Variants in IQUB observed in about 807,000 individuals in gnomAD.
The protein encoded by IQUB is IQ motif and ubiquitin domain containing, also known as IQ motif and ubiquitin-like domain-containing protein.
A neutral mutation model predicts 86.4 loss-of-function variants in IQUB; 86 were observed. That is an observed-to-expected ratio of 1.00 (90% CI 0.84 to 1.19). The LOEUF (loss-of-function observed/expected upper bound fraction) is 1.19, where lower values mean the gene tolerates loss of function less well. Among genes scored for constraint, IQUB ranks in the 50% most tolerant of loss-of-function variants. IQUB has a pLI of 0.00. For missense variants in IQUB, 946 were observed against 916.9 expected, an observed-to-expected ratio of 1.03 and a Z score of -0.41; for synonymous variants, 289 against 304.5, an observed-to-expected ratio of 0.95 and a Z score of 0.53.
chr7:123,524,311 C>A (rs1479365123), intron 1 of IQUB, among the ~76,000 whole-genome samples: 2 of 143,142 alleles, frequency 1.4e-5, no homozygotes, highest in East Asian at 4.0e-4. Flanking sequence ...GCCATTTTCA[C>A]GATATTGATT....
chr7:123,502,202 TA>T (rs1795976585), intron 6 of IQUB: 2 of 164,404 alleles, frequency 1.2e-5, no homozygotes, highest in African/African-American at 4.8e-5. Flanking sequence ...TGCAAAAAAA[TA>T]AAACAGAGTT....
intron 9 of IQUB, among the ~76,000 whole-genome samples, chr7:123,468,303 A>G (rs144673415): frequency 1.1e-3 from 171 of 152,288 alleles, no homozygotes; most frequent in Admixed American, 8.0e-3. Flanking sequence ...CCTTAAAGCC[A>G]ATGACTACAC....
At chr7:123,453,903 A>C (rs1467515202) in intron 12 of IQUB, among the ~76,000 whole-genome samples, 1 of 152,136 alleles carries the variant, frequency 6.6e-6, no homozygotes, top group Admixed American at 6.6e-5. Flanking sequence ...TAATAAATAT[A>C]ATCTATTACC....
intron 1 of IQUB, among the ~76,000 whole-genome samples, chr7:123,520,611 T>C (rs1185629661): frequency 6.6e-6 from 1 of 152,140 alleles, no homozygotes; most frequent in Non-Finnish European, 1.5e-5. Context: ...AGTCAACTTA[T>C]GTGGCTAGAG....
chr7:123,462,521 A>ACTT (rs1445468392), intron 10 of IQUB: 1 of 200,454 alleles, frequency 5.0e-6, no homozygotes, highest in Non-Finnish European at 1.0e-5. Flanking sequence ...TTCTTTGAAA[A>ACTT]CTTCATTGTC....
intron 7 of IQUB, among the ~76,000 whole-genome samples, chr7:123,493,869 T>TG (rs912813857): frequency 5.5e-5 from 7 of 126,424 alleles, no homozygotes; most frequent in East Asian, 2.5e-4. Context: ...AAAAACTAGT[T>TG]GGGGGGGCAG....
chr7:123,452,886 G>A lies in IQUB; in HGVS notation c.2233C>T (p.His745Tyr). 4.3e-6 allele frequency: 7 copies of A among 1,613,026 alleles called. No individual in the cohort carries two copies. The highest frequency in any genetic ancestry group is 5.1e-6 in the Non-Finnish European group (6 of 1,179,366). The stretch of plus-strand genomic sequence containing the variant: ...GAAAAATAGTTCTTAGCCAGGATAT[G>A]TTTGTGTTTGATCTTGTGAATAAAT... ...RSFIHKIKHK[H>Y]ILAKNYFSQV... The change falls in exon 13 of 13, where the codon CAT (histidine) becomes TAT (tyrosine). Residue 745 changes from histidine (H) to tyrosine (Y), a missense_variant. Physicochemically the swap from His to Tyr is moderately conservative, Grantham distance 83 (BLOSUM62 2). Transcript: ENST00000324698.
In IQUB at chr7:123,502,711, T is replaced by C; in HGVS notation, c.909A>G (p.Thr303=). 6.2e-7 allele frequency: 1 copy of C among 1,605,436 alleles called. No individual in the cohort carries two copies. Residue 303 remains threonine, a synonymous_variant, in exon 6 of 13, where the codon ACA becomes ACG. Coordinates refer to ENST00000324698, the MANE Select transcript of IQUB (RefSeq NM_178827.5). ...QKKNLQQTTN[T]TSTQMTNIGV... ...CAATGTTAGTCATCTGTGTGGATGT[T>C]GTATTTGTAGTTTGTTGGAGATTTT...
At chr7:123,483,119 T>A (rs1406614967) in intron 7 of IQUB, among the ~76,000 whole-genome samples, 1 of 152,098 alleles carries the variant, frequency 6.6e-6, no homozygotes, top group African/African-American at 2.4e-5. Context: ...GGTTTTCAAT[T>A]CGCAGAATAA....
chr7:123,454,216 T>C (rs79754685), intron 12 of IQUB, among the ~76,000 whole-genome samples: 4,989 of 152,040 alleles, frequency 0.033, 249 homozygotes, highest in African/African-American at 0.11. Context: ...CAAGAAAAAC[T>C]AACACACTTT....
intron 1 of IQUB, among the ~76,000 whole-genome samples, chr7:123,525,831 G>T (rs2117356848): frequency 6.7e-6 from 1 of 150,126 alleles, no homozygotes; most frequent in African/African-American, 2.5e-5. Context: ...TTTCTCTTGT[G>T]GGCATTTAGT....
intron 5 of IQUB, 42 bp downstream of exon 5, chr7:123,502,902 T>C (rs745337515): frequency 2.0e-6 from 3 of 1,521,022 alleles, no homozygotes; most frequent in Non-Finnish European, 1.8e-6. Context: ...AATTATTGAG[T>C]CTATACCTTC....
intron 7 of IQUB, among the ~76,000 whole-genome samples, chr7:123,496,352 A>G (rs1477307870): frequency 1.3e-5 from 2 of 152,130 alleles, no homozygotes; most frequent in Admixed American, 6.6e-5. Flanking sequence ...GAACAGCTCA[A>G]CTCTGAGTTC....
At chr7:123,478,587 G>A (rs1421071032) in intron 8 of IQUB, among the ~76,000 whole-genome samples, 2 of 151,826 alleles carry the variant, frequency 1.3e-5, no homozygotes, top group Admixed American at 6.6e-5. Context: ...AAGAAACAAT[G>A]TATGCTAAAG....
chr7:123,487,012 G>A (rs752013041), intron 7 of IQUB, among the ~76,000 whole-genome samples: 13 of 152,142 alleles, frequency 8.5e-5, no homozygotes, highest in Non-Finnish European at 1.8e-4. Context: ...CCAAAATTGG[G>A]GGAGGGACTT....
At position 123,527,902 on chromosome 7, in the gene IQUB, C is replaced by T. The variant is rs557440268; in HGVS notation, c.-5+6590G>A. ...AGCAAGCCTGAGCAATGGCGGGCGC[C>T]CCTCCCCCAGCCTCGCTGCCGCCTT... On this transcript the variant is annotated intron_variant, in intron 1 of 12. Transcript: ENST00000324698. Among the ~76,000 whole-genome samples the T allele has an allele frequency of 1.3e-4, 20 of 152,342 alleles. No individual in the cohort carries two copies. The East Asian group carries it at 1.5e-3, about 12-fold the overall frequency.
chr7:123,461,862 A>G (rs1794005483), intron 10 of IQUB, among the ~76,000 whole-genome samples: 1 of 151,838 alleles, frequency 6.6e-6, no homozygotes, highest in Non-Finnish European at 1.5e-5. Flanking sequence ...TATTTGTGGT[A>G]AAATCACTTA....
intron 8 of IQUB, among the ~76,000 whole-genome samples, chr7:123,472,677 G>T (rs146680681): frequency 7.9e-5 from 12 of 152,284 alleles, no homozygotes; most frequent in African/African-American, 2.4e-4. Context: ...GCACTGAAAA[G>T]ATATTAAAAA....
rs201933293 is a variant in IQUB, at chr7:123,461,592, G to A, written c.1772C>T (p.Pro591Leu). The A allele has an allele frequency of 8.1e-6, 13 of 1,600,088 alleles. No individual in the cohort carries two copies. The highest frequency in any genetic ancestry group is 1.7e-4 in the Middle Eastern group (1 of 5,944). ...GTAAATCTTCTTATAAAATTTCAAT[G>A]GGTCTTGAGGGACCTAAATAAATAG... ...VAKYLKVPQDPLKFYKKIYFC... is the reference protein window; with the variant it reads ...VAKYLKVPQDLLKFYKKIYFC... Residue 591 changes from proline to leucine, a missense_variant, in exon 11 of 13, where the codon CCA becomes CTA. By Grantham distance (98) the Pro-to-Leu change is moderately conservative. Coordinates refer to ENST00000324698, the MANE Select transcript of IQUB (RefSeq NM_178827.5).
Sources: allele counts gnomAD v4.1 joint callset (sites outside exome capture counted in the v4.1 genomes callset), GRCh38; gene constraint gnomAD v4.1.1; transcripts MANE v1.5; gene names NCBI Gene and HGNC (gene_info 2026-07-23, HGNC 2026-07-21).